The following CADPS variants were observed in gnomAD, a reference collection of about 807,000 sequenced individuals.
CADPS encodes calcium-dependent secretion activator 1.
Under a neutral mutation model 167.3 loss-of-function variants are expected in CADPS, and 57 were observed. The observed-to-expected ratio is 0.34, with a 90% CI of 0.28 to 0.42. The LOEUF (loss-of-function observed/expected upper bound fraction) is 0.42, where lower values mean the gene tolerates loss of function less well. Ranked by LOEUF, CADPS falls within the 20% of genes least tolerant of loss-of-function variation. The probability of loss-of-function intolerance (pLI) is 1.00; values close to 1 mark genes in which losing one functional copy is unlikely to be tolerated. For missense variants in CADPS, 1,414 were observed against 1,738.1 expected, an observed-to-expected ratio of 0.81 and a Z score of 3.32; for synonymous variants, 676 against 635.3, an observed-to-expected ratio of 1.06 and a Z score of -0.96.
At chr3:62,518,361 G>A (rs833678) in intron 13 of CADPS, 111 bp from the exon 14 acceptor site, 54,851 of 751,652 alleles carry the variant, frequency 0.073, 2,496 homozygotes, top group East Asian at 0.16. Flanking sequence ...TACAGTGATC[G>A]ATGTGAGCTC....
intron 3 of CADPS, among the ~76,000 whole-genome samples, chr3:62,731,972 A>G (rs531071634): frequency 1.3e-5 from 2 of 152,066 alleles, no homozygotes; most frequent in Non-Finnish European, 2.9e-5. Context: ...AACAGATGAG[A>G]AGGATGTAGG....
chr3:62,607,287 G>T (rs1054596693), intron 6 of CADPS, among the ~76,000 whole-genome samples: 1 of 152,206 alleles, frequency 6.6e-6, no homozygotes, highest in Non-Finnish European at 1.5e-5. Flanking sequence ...CCCACGGTGT[G>T]AGAGCTGCAC....
At chr3:62,594,778 A>G (rs1295675804) in intron 6 of CADPS, among the ~76,000 whole-genome samples, 1 of 152,166 alleles carries the variant, frequency 6.6e-6, no homozygotes, top group Non-Finnish European at 1.5e-5. Flanking sequence ...ACACTGTTGC[A>G]GGAGCTGTGT....
intron 3 of CADPS, among the ~76,000 whole-genome samples, chr3:62,668,812 C>T (rs898145455): frequency 2.0e-5 from 3 of 152,096 alleles, no homozygotes; most frequent in Admixed American, 6.6e-5. Flanking sequence ...AAATGCCTGG[C>T]AGATGAATAA....
chr3:62,575,426 T>A (rs2082070830), intron 8 of CADPS, among the ~76,000 whole-genome samples: 1 of 152,212 alleles, frequency 6.6e-6, no homozygotes, highest in South Asian at 2.1e-4. Flanking sequence ...TATCTCTACT[T>A]CAGTTTTCTC....
At chr3:62,709,998 C>T (rs1338630070) in intron 3 of CADPS, among the ~76,000 whole-genome samples, 2 of 152,034 alleles carry the variant, frequency 1.3e-5, no homozygotes, top group Non-Finnish European at 2.9e-5. Context: ...ATCACTTGAA[C>T]TCAAGTGATC....
At chr3:62,515,598 G>A (rs1371919025) in intron 16 of CADPS, among the ~76,000 whole-genome samples, 1 of 151,978 alleles carries the variant, frequency 6.6e-6, no homozygotes, top group East Asian at 1.9e-4. Context: ...CAAAAGACAA[G>A]GTACTTTTGG....
chr3:62,640,684 A>C (rs2067236490), intron 6 of CADPS, among the ~76,000 whole-genome samples: 1 of 152,188 alleles, frequency 6.6e-6, no homozygotes, highest in Non-Finnish European at 1.5e-5. Flanking sequence ...GGGAGTAATG[A>C]ACTTGTTAAA....
chr3:62,771,061 A>G (rs2088579142), intron 1 of CADPS, among the ~76,000 whole-genome samples: 1 of 152,180 alleles, frequency 6.6e-6, no homozygotes, highest in Non-Finnish European at 1.5e-5. Context: ...TTTTAAAATT[A>G]TACCTACTTT....
At chr3:62,765,316 T>C (rs960097097) in intron 2 of CADPS, among the ~76,000 whole-genome samples, 1 of 152,172 alleles carries the variant, frequency 6.6e-6, no homozygotes, top group African/African-American at 2.4e-5. Context: ...ACTCAGAACA[T>C]ATTCTCTCTT....
At chr3:62,710,649 A>G (rs910819006) in intron 3 of CADPS, among the ~76,000 whole-genome samples, 3 of 150,716 alleles carry the variant, frequency 2.0e-5, no homozygotes, top group African/African-American at 2.4e-5. Flanking sequence ...AAAACTCCCC[A>G]GGTGATTCTG....
At chr3:62,405,607 G>A (rs575625645) in intron 28 of CADPS, among the ~76,000 whole-genome samples, 1 of 152,286 alleles carries the variant, frequency 6.6e-6, no homozygotes, top group African/African-American at 2.4e-5. Flanking sequence ...CGAAAGGATA[G>A]GGAGGTAGAA....
intron 7 of CADPS, among the ~76,000 whole-genome samples, chr3:62,589,310 A>C (rs2085397763): frequency 6.6e-6 from 1 of 152,246 alleles, no homozygotes. Context: ...AGCCAGCACA[A>C]GAGCCAGGCA....
chr3:62,428,624 T>A (rs1393148933), intron 28 of CADPS, among the ~76,000 whole-genome samples: 3 of 152,206 alleles, frequency 2.0e-5, no homozygotes, highest in Non-Finnish European at 2.9e-5. Flanking sequence ...TAACAATTCC[T>A]AAGCTCGACT....
rs975901804 is a variant in CADPS at position 62,623,014 on chromosome 3, C to T, written c.1325+22708G>A. ...TAATAAAGAGGAATTGTAATTATGG[C>T]TAATATTCAAATGTAATTTTGAAAT... On this transcript the variant is annotated intron_variant, in intron 6 of 29. Coordinates refer to ENST00000383710, the MANE Select transcript of CADPS (RefSeq NM_003716.4). 2.0e-5 allele frequency among the ~76,000 whole-genome samples: 3 copies of T among 152,156 alleles called. No individual in the cohort carries two copies. The East Asian group carries it at 5.8e-4, about 29-fold the overall frequency.
At chr3:62,700,279 G>C (rs949965349) in intron 3 of CADPS, among the ~76,000 whole-genome samples, 2 of 152,074 alleles carry the variant, frequency 1.3e-5, no homozygotes, top group East Asian at 3.9e-4. Context: ...TGGACCTGGC[G>C]ACATGCTTCT....
chr3:62,558,539 C>T (rs2078594275), intron 9 of CADPS, among the ~76,000 whole-genome samples: 1 of 152,220 alleles, frequency 6.6e-6, no homozygotes. Context: ...AAAAGAGACA[C>T]TTTCTAAGTG....
Position 62,525,123 on chromosome 3 carries a change from A to G in CADPS, c.2292-6873T>C, listed in dbSNP as rs551420164. ...CACATTGTTGGAATTTTAAGAGGAA[A>G]AACACATTATCTGATGGTTTGCTAT... On this transcript the variant is annotated intron_variant, in intron 13 of 29. Transcript: ENST00000383710. 2.0e-5 allele frequency among the ~76,000 whole-genome samples: 3 copies of G among 152,278 alleles called. No individual in the cohort carries two copies. The East Asian group carries it at 5.8e-4, about 29-fold the overall frequency.
intron 1 of CADPS, among the ~76,000 whole-genome samples, chr3:62,806,227 T>C (rs2094085875): frequency 6.6e-6 from 1 of 152,100 alleles, no homozygotes; most frequent in Non-Finnish European, 1.5e-5. Flanking sequence ...ACCAAATAGC[T>C]AAAGTAATTA....
Sources: gnomAD v4.1 joint callset for allele counts (sites outside exome capture counted in the v4.1 genomes callset) on GRCh38, gnomAD v4.1.1 for gene constraint, MANE v1.5 for transcripts, NCBI Gene and HGNC (gene_info 2026-07-23, HGNC 2026-07-21) for gene names.